POMP: variants seen among roughly 807,000 people sequenced by gnomAD.
The protein encoded by POMP is 2510048O06Rik.
A neutral mutation model predicts 20.6 loss-of-function variants in POMP; 12 were observed. That is an observed-to-expected ratio of 0.58 (90% CI 0.37 to 0.94). POMP has a LOEUF of 0.94. Ranked by LOEUF, POMP falls within the 40% of genes least tolerant of loss-of-function variation. The probability of loss-of-function intolerance (pLI) is 0.01; values close to 1 mark genes in which losing one functional copy is unlikely to be tolerated. For missense variants in POMP, 136 were observed against 161.1 expected, an observed-to-expected ratio of 0.84 and a Z score of 0.84; for synonymous variants, 53 against 55.0, an observed-to-expected ratio of 0.96 and a Z score of 0.16.
intron 2 of POMP, among the ~76,000 whole-genome samples, chr13:28,663,713 C>CAT (rs1369157466): frequency 1.3e-5 from 2 of 152,144 alleles, no homozygotes; most frequent in Non-Finnish European, 2.9e-5. Context: ...AAAAATGCAG[C>CAT]ATATAGCCTG....
At chr13:28,673,721 C>G (rs185886491) in intron 5 of POMP, among the ~76,000 whole-genome samples, 4 of 152,238 alleles carry the variant, frequency 2.6e-5, no homozygotes, top group Admixed American at 2.6e-4. Context: ...TTTAAAACTA[C>G]TAAGGTGATA....
chr13:28,672,057 A>C (rs1196812717), intron 4 of POMP, among the ~76,000 whole-genome samples: 1 of 152,188 alleles, frequency 6.6e-6, no homozygotes, highest in Non-Finnish European at 1.5e-5. Context: ...TTTGCATTTC[A>C]TTACATGGTA....
chr13:28,659,160 G>C lies in POMP; in HGVS notation c.-25G>C. 3 of 1,582,494 alleles carry C rather than the reference G, an allele frequency of 1.9e-6. No individual in the cohort carries two copies. Among genetic ancestry groups the C allele is most frequent in the Non-Finnish European group, 2.6e-6 (3 of 1,165,148 alleles). ...GGTCGACTGACGGTAACGGGGCAGA[G>C]AGGCTGTTCGCAGAGCTGCGGAAGA... On this transcript the variant is annotated 5_prime_UTR_variant, in exon 1 of 6. Coordinates refer to ENST00000380842, the MANE Select transcript of POMP (RefSeq NM_015932.6).
At chr13:28,671,608 T>TC (rs1884546477) in intron 4 of POMP, among the ~76,000 whole-genome samples, 4 of 152,096 alleles carry the variant, frequency 2.6e-5, no homozygotes, top group African/African-American at 9.7e-5. Context: ...GGTTCCTATT[T>TC]TTGTTTCTTC....
At chr13:28,664,079 C>A (rs943983201) in intron 2 of POMP, among the ~76,000 whole-genome samples, 3 of 152,112 alleles carry the variant, frequency 2.0e-5, no homozygotes, top group African/African-American at 7.2e-5. Context: ...ACCTATTGTT[C>A]AACATGTTTA....
At position 28,678,886 on chromosome 13, in the gene POMP, T is replaced by TA. The variant is rs1884676678; in HGVS notation, c.*785dup. The TA allele has an allele frequency of 6.6e-6, 1 of 152,230 alleles. No homozygotes were observed. Among genetic ancestry groups the TA allele is most frequent in the Admixed American group, 6.5e-5 (1 of 15,278 alleles). 9.4% of individuals were successfully genotyped at this position (152,230 alleles called of 1,614,324 possible). A position where few individuals can be genotyped will look rare whatever the true frequency, so the allele number is the denominator to read the frequency against. ...GAACATTAGTGAATGGATCATCTTT[T>TA]ACAATTAAAAGTATATTTTGATTAT... On this transcript the variant is annotated 3_prime_UTR_variant, in exon 6 of 6. Transcript: ENST00000380842.
intron 3 of POMP, among the ~76,000 whole-genome samples, chr13:28,666,804 C>G (rs1227756866): frequency 5.3e-5 from 8 of 152,128 alleles, no homozygotes; most frequent in Non-Finnish European, 1.2e-4. Context: ...ATCATTTGTA[C>G]CAGTGGTTCT....
At chr13:28,661,685 A>G (rs151232582) in intron 1 of POMP, among the ~76,000 whole-genome samples, 1 of 152,332 alleles carries the variant, frequency 6.6e-6, no homozygotes, top group East Asian at 1.9e-4. Flanking sequence ...TACCAAATGC[A>G]CTGTCTTTTT....
At chr13:28,663,397 G>A (rs1343341297) in intron 2 of POMP, among the ~76,000 whole-genome samples, 30 of 152,050 alleles carry the variant, frequency 2.0e-4, no homozygotes, top group Admixed American at 1.8e-3. Flanking sequence ...CGCAGCCTCC[G>A]CCTCCCGGGT....
At chr13:28,671,085 A>G (rs1197377592) in intron 4 of POMP, among the ~76,000 whole-genome samples, 1 of 152,124 alleles carries the variant, frequency 6.6e-6, no homozygotes, top group Non-Finnish European at 1.5e-5. Context: ...TACTAATACT[A>G]TCAATTGTAT....
chr13:28,665,707 C>G lies in POMP; in HGVS notation c.162+1138C>G, dbSNP rs188010558. 2.3e-3 allele frequency among the ~76,000 whole-genome samples: 348 copies of G among 152,344 alleles called. 2 individuals are homozygous for G. Among genetic ancestry groups the G allele is most frequent in the African/African-American group, 8.2e-3 (340 of 41,576 alleles). ...AGCATTTAATAGGGTAAGCAGTGAT[C>G]ATCAGCATCTGAATGAACTCAGCAA... On this transcript the variant is annotated intron_variant, in intron 3 of 5. Coordinates refer to ENST00000380842, the MANE Select transcript of POMP (RefSeq NM_015932.6).
intron 1 of POMP, among the ~76,000 whole-genome samples, chr13:28,660,951 G>T (rs910345163): frequency 6.6e-5 from 10 of 152,186 alleles, no homozygotes; most frequent in African/African-American, 2.2e-4. Context: ...ATGTGTGATA[G>T]GCTGGGCTGG....
Position 28,667,800 on chromosome 13 carries a change from T to C in POMP, c.163-673T>C, listed in dbSNP as rs560469994. Among the ~76,000 whole-genome samples the C allele has an allele frequency of 2.6e-5, 4 of 152,338 alleles. No individual in the cohort carries two copies. The East Asian group carries it at 7.7e-4, about 29-fold the overall frequency. ...ATCCTTAGGAGCCATTTTTGGAAACTGTTTTAGAATCCATGAGTCAAGTCG... is the reference window on the plus strand; with the variant it reads ...ATCCTTAGGAGCCATTTTTGGAAACCGTTTTAGAATCCATGAGTCAAGTCG... On this transcript the variant is annotated intron_variant, in intron 3 of 5. Transcript: ENST00000380842.
intron 5 of POMP, among the ~76,000 whole-genome samples, chr13:28,673,237 A>C (rs1326817892): frequency 6.6e-6 from 1 of 151,824 alleles, no homozygotes; most frequent in African/African-American, 2.4e-5. Flanking sequence ...CACCCGGCTA[A>C]TTTTTGTATT....
intron 1 of POMP, 117 bp from the exon 2 acceptor site, chr13:28,662,293 C>A: frequency 1.4e-6 from 1 of 703,784 alleles, no homozygotes; most frequent in South Asian, 1.7e-5. Context: ...CTAGTCTGGA[C>A]TTTTTGAGGG....
At chr13:28,669,091 C>G (rs983109681) in intron 4 of POMP, among the ~76,000 whole-genome samples, 2 of 152,056 alleles carry the variant, frequency 1.3e-5, no homozygotes, top group African/African-American at 4.8e-5. Context: ...AGCATTTGAA[C>G]CGCTGTTGTC....
At chr13:28,672,265 GA>G (rs2137797890) in intron 4 of POMP, 73 bp from the exon 5 acceptor site, 1 of 1,171,574 alleles carries the variant, frequency 8.5e-7, no homozygotes, top group East Asian at 2.3e-5. Context: ...TAAAGAACAT[GA>G]AATTAGACTA....
At chr13:28,661,144 G>A (rs1166487858) in intron 1 of POMP, among the ~76,000 whole-genome samples, 1 of 152,142 alleles carries the variant, frequency 6.6e-6, no homozygotes, top group Non-Finnish European at 1.5e-5. Flanking sequence ...CAGGGATATT[G>A]GACTTGAGCA....
At chr13:28,668,010 TTTAA>T (rs1884477988) in intron 3 of POMP, among the ~76,000 whole-genome samples, 3 of 152,214 alleles carry the variant, frequency 2.0e-5, no homozygotes, top group African/African-American at 7.2e-5. Context: ...TTAAACATAG[TTTAA>T]TTAACAGGAT....
Sources: gnomAD v4.1 joint callset for allele counts (sites outside exome capture counted in the v4.1 genomes callset) on GRCh38, gnomAD v4.1.1 for gene constraint, MANE v1.5 for transcripts, NCBI Gene and HGNC (gene_info 2026-07-23, HGNC 2026-07-21) for gene names.